Variants in TMPRSS13 observed in about 807,000 individuals in gnomAD.
TMPRSS13 encodes transmembrane serine protease 13.
TMPRSS13 carries 50 observed loss-of-function variants against 68.4 expected under a neutral mutation model. The observed-to-expected ratio is 0.73, with a 90% CI of 0.58 to 0.93. TMPRSS13 has a LOEUF of 0.93. TMPRSS13 is among the 40% of genes least tolerant of loss of function. TMPRSS13 has a pLI of 0.00. For synonymous variants in TMPRSS13, 267 were observed against 285.8 expected (o/e 0.93, Z 0.66); for missense variants, 615 against 729.2 (o/e 0.84, Z 1.80).
intron 8 of TMPRSS13, among the ~76,000 whole-genome samples, chr11:117,909,042 T>TC (rs146172624): frequency 0.03 from 4,534 of 151,430 alleles, 223 homozygotes; most frequent in African/African-American, 0.1. Context: ...TGTGTGGCAC[T>TC]CCCCCCCCAC....
rs2057560065 is a variant in TMPRSS13, at chr11:117,914,867, C to T, written c.557-353G>A. ...CAGAGAAACCACCTCCTCCAGTATC[C>T]CAGAGCTTCCCTCTCAGAACCCCTC... On this transcript the variant is annotated intron_variant, in intron 3 of 12. Coordinates refer to ENST00000524993, the MANE Select transcript of TMPRSS13 (RefSeq NM_001077263.3). The surrounding 1 kb of genome is among the most constrained non-coding windows in gnomAD (Gnocchi z 4.2). Among the ~76,000 whole-genome samples the T allele has an allele frequency of 6.6e-6, 1 of 152,158 alleles. No homozygotes were observed.
chr11:117,914,598 G>T lies in TMPRSS13; in HGVS notation c.557-84C>A. On this transcript the variant is annotated intron_variant, in intron 3 of 12. Coordinates refer to ENST00000524993, the MANE Select transcript of TMPRSS13 (RefSeq NM_001077263.3). The surrounding 1 kb of genome is among the most constrained non-coding windows in gnomAD (Gnocchi z 4.2). ...AGCAGCCCAAGGACCTGGGGGTTCT[G>T]AGACACCGACCTGCAATCCCTCTTG... 1 of 1,581,572 alleles carries T rather than the reference G, an allele frequency of 6.3e-7. No individual in the cohort carries two copies.
intron 9 of TMPRSS13, among the ~76,000 whole-genome samples, chr11:117,906,222 C>G (rs2057464103): frequency 1.3e-5 from 2 of 152,258 alleles, no homozygotes; most frequent in South Asian, 4.1e-4. Context: ...TGTGGCTCTC[C>G]TTTTAAATGT....
In TMPRSS13 at chr11:117,913,859, A is replaced by AGG. The variant is rs746240431; in HGVS notation, c.725_726dup (p.Ser243ProfsTer48). 1 of 1,614,070 alleles carries AGG rather than the reference A, an allele frequency of 6.2e-7. No individual in the cohort carries two copies. The highest frequency in any genetic ancestry group is 8.5e-7 in the Non-Finnish European group (1 of 1,179,988). On this transcript the variant is annotated frameshift_variant, in exon 5 of 13. Coordinates refer to ENST00000524993, the MANE Select transcript of TMPRSS13 (RefSeq NM_001077263.3). LOFTEE classifies it high-confidence loss of function. ...CTACAGATGGGAAGCCACTGATGGGAGGACCCAGAGTAGATTTTAAGCAGA... is the reference window on the plus strand; with the variant it reads ...CTACAGATGGGAAGCCACTGATGGGAGGGGACCCAGAGTAGATTTTAAGCAGA...
At position 117,917,261 on chromosome 11, in the gene TMPRSS13, G is replaced by C; in HGVS notation, c.465C>G (p.Pro155=). 1 of 1,612,218 alleles carries C rather than the reference G, an allele frequency of 6.2e-7. No individual in the cohort carries two copies. The highest frequency in any genetic ancestry group is 1.1e-5 in the South Asian group (1 of 90,984). Residue 155 remains proline, a synonymous_variant, in exon 3 of 13, where the codon CCC becomes CCG. Transcript: ENST00000524993. ...TCTGGCCCTCCCGCCAGGTGAACTTGGGCAGGCTCGTACCTAGGAGCAGGG... is the reference window on the plus strand; with the variant it reads ...TCTGGCCCTCCCGCCAGGTGAACTTCGGCAGGCTCGTACCTAGGAGCAGGG... The part of the protein sequence containing the change: ...ATRESPGTSL[P]KFTWREGQKQ...
chr11:117,923,496 C>T (rs575022470), intron 1 of TMPRSS13, among the ~76,000 whole-genome samples: 2 of 152,052 alleles, frequency 1.3e-5, no homozygotes, highest in South Asian at 2.1e-4. Flanking sequence ...TGCTGTGGAT[C>T]GAGCCCCAGG....
intron 6 of TMPRSS13, among the ~76,000 whole-genome samples, chr11:117,911,066 C>A (rs1478299216): frequency 6.6e-6 from 1 of 152,214 alleles, no homozygotes; most frequent in Non-Finnish European, 1.5e-5. Flanking sequence ...CATCTTTTCA[C>A]AACTAAACAG....
intron 9 of TMPRSS13, chr11:117,908,341 T>C (rs1456486330): frequency 3.4e-6 from 2 of 590,968 alleles, no homozygotes; most frequent in Non-Finnish European, 6.0e-6. Context: ...ATTCAATCTA[T>C]TGATTAAGAT....
rs558431531 is a variant in TMPRSS13 at position 117,925,946 on chromosome 11, C to T, written c.21+3341G>A. On this transcript the variant is annotated intron_variant, in intron 1 of 12. Coordinates refer to ENST00000524993, the MANE Select transcript of TMPRSS13 (RefSeq NM_001077263.3). ...AGGTGGCTGTGCCAAAGGAAGTCTGCTCCTCACCAATGACAACATGAAACA... is the reference window on the plus strand; with the variant it reads ...AGGTGGCTGTGCCAAAGGAAGTCTGTTCCTCACCAATGACAACATGAAACA... Among the ~76,000 whole-genome samples the T allele has an allele frequency of 5.2e-5, 8 of 152,384 alleles. No homozygotes were observed. In the South Asian group the frequency reaches 1.5e-3, roughly 28 times the overall value.
At chr11:117,928,300 G>A (rs2057726273) in intron 1 of TMPRSS13, among the ~76,000 whole-genome samples, 1 of 152,208 alleles carries the variant, frequency 6.6e-6, no homozygotes, top group Middle Eastern at 3.2e-3. Context: ...GGGCAAGGGA[G>A]GCAGCCTGGG....
At chr11:117,909,765 A>G (rs763825062) in intron 8 of TMPRSS13, 41 bp downstream of exon 8, 1 of 1,587,592 alleles carries the variant, frequency 6.3e-7, no homozygotes. Flanking sequence ...GTGGTTCCCG[A>G]CCCTGGGCAG....
chr11:117,921,923 T>G (rs1450471736), intron 1 of TMPRSS13, among the ~76,000 whole-genome samples: 1 of 151,768 alleles, frequency 6.6e-6, no homozygotes, highest in African/African-American at 2.4e-5. Context: ...CAGAGTGAGG[T>G]CCCCGCTCCA....
At position 117,917,183 on chromosome 11, in the gene TMPRSS13, C is replaced by T. The variant is rs751633400; in HGVS notation, c.543G>A (p.Ser181=). 1.6e-5 allele frequency: 25 copies of T among 1,611,992 alleles called. No individual in the cohort carries two copies. Among genetic ancestry groups the T allele is most frequent in the South Asian group, 7.7e-5 (7 of 91,068 alleles). ...CATTCAACTCACAGAGGATGATGAG[C>T]GAAACCACCAGGGCAATGAGGAGGA... The part of the protein sequence containing the change: ...CVLLLIALVV[S]LIILFQFWQG... The change falls in exon 3 of 13, where the codon TCG becomes TCA. Residue 181 remains serine, a synonymous_variant. Coordinates refer to ENST00000524993, the MANE Select transcript of TMPRSS13 (RefSeq NM_001077263.3).
At chr11:117,911,881 G>A in intron 5 of TMPRSS13, 21 bp from the exon 6 acceptor site, 3 of 1,599,634 alleles carry the variant, frequency 1.9e-6, no homozygotes, top group Non-Finnish European at 8.6e-7. Flanking sequence ...GCAGAGGGGA[G>A]AAGAATGAGC....
intron 1 of TMPRSS13, among the ~76,000 whole-genome samples, chr11:117,924,773 C>G (rs1364325598): frequency 3.9e-5 from 6 of 152,310 alleles, no homozygotes; most frequent in Admixed American, 2.6e-4. Flanking sequence ...CTACTCTCCC[C>G]CTCCCCGAAC....
intron 1 of TMPRSS13, among the ~76,000 whole-genome samples, chr11:117,924,771 C>T (rs1351840397): frequency 6.6e-6 from 1 of 152,154 alleles, no homozygotes; most frequent in Non-Finnish European, 1.5e-5. Flanking sequence ...TCCTACTCTC[C>T]CCCTCCCCGA....
chr11:117,902,251 G>A lies in TMPRSS13; in HGVS notation c.1692C>T (p.Phe564=). 6.2e-7 allele frequency: 1 copy of A among 1,613,440 alleles called. No individual in the cohort carries two copies. The highest frequency in any genetic ancestry group is 2.2e-5 in the East Asian group (1 of 44,882). The change falls in exon 13 of 13, where the codon TTC becomes TTT. Residue 564 remains phenylalanine, a synonymous_variant. Coordinates refer to ENST00000524993, the MANE Select transcript of TMPRSS13 (RefSeq NM_001077263.3). ...IYSKMESEVR[F]RKS is the part of the protein sequence containing the mutation. ...GCAGGCCAGCTGGTTAGGATTTTCT[G>A]AATCGCACCTCGCTCTGAGGAAGAG...
At chr11:117,907,980 TTG>T (rs1484846749) in intron 9 of TMPRSS13, 1 of 988,190 alleles carries the variant, frequency 1.0e-6, no homozygotes, top group East Asian at 1.1e-4. Context: ...AGCATTTCCT[TTG>T]TGTAGCCTCC....
chr11:117,905,897 G>C (rs1367302143), intron 9 of TMPRSS13, among the ~76,000 whole-genome samples, 161 bp from the exon 10 acceptor site: 1 of 152,174 alleles, frequency 6.6e-6, no homozygotes, highest in Non-Finnish European at 1.5e-5. Context: ...GCCTTGGACT[G>C]ACCAGACATG....
Sources: gnomAD v4.1 joint callset for allele counts (sites outside exome capture counted in the v4.1 genomes callset) on GRCh38, gnomAD v4.1.1 for gene constraint, Gnocchi (gnomAD v3.1) non-coding constraint, MANE v1.5 for transcripts, NCBI Gene and HGNC (gene_info 2026-07-23, HGNC 2026-07-21) for gene names.